Variants in HSF4 observed in about 807,000 individuals in gnomAD.
HSF4 encodes the protein heat shock factor protein 4.
Under a neutral mutation model 52.0 loss-of-function variants are expected in HSF4, and 41 were observed. The observed-to-expected ratio is 0.79, with a 90% confidence interval of 0.61 to 1.02. The LOEUF (loss-of-function observed/expected upper bound fraction) is 1.02. Ranked by LOEUF, HSF4 falls within the 50% of genes least tolerant of loss-of-function variation. HSF4 has a pLI of 0.00. For missense variants in HSF4, 610 were observed against 651.1 expected (o/e 0.94, Z 0.69); for synonymous variants, 285 against 273.0 (o/e 1.04, Z -0.43).
chr16:67,164,633 G>A (rs2031103469), upstream of HSF4: 9 of 449,834 alleles, frequency 2.0e-5, no homozygotes, highest in Non-Finnish European at 3.4e-5. Context: ...AGCCTTTTCT[G>A]CCTGCTGGTG....
At chr16:67,166,200 C>A in intron 4 of HSF4, 120 bp from the exon 5 acceptor site, 5 of 1,366,710 alleles carry the variant, frequency 3.7e-6, no homozygotes, top group Non-Finnish European at 5.1e-6. Context: ...GACTTATGGG[C>A]GATCTCTGGG....
In HSF4 at chr16:67,169,865, G is replaced by T; in HGVS notation, c.*80G>T. ...GGCTTCCTGGCGCCCCCTATCGGGG[G>T]TGAGCGAAGCCCCCACTACTAAATG... On this transcript the variant is annotated 3_prime_UTR_variant, in exon 13 of 13. Transcript: ENST00000521374. The surrounding 1 kb of genome is among the most constrained non-coding windows in gnomAD (Gnocchi z 4.3). The T allele has an allele frequency of 6.7e-7, 1 of 1,502,416 alleles. No homozygotes were observed. The highest frequency in any genetic ancestry group is 9.2e-7 in the Non-Finnish European group (1 of 1,082,002). The allele number at this position is 1,502,416 out of a possible 1,614,324, so 93.1% of individuals were successfully genotyped here. A position where few individuals can be genotyped will look rare whatever the true frequency, so the allele number is the denominator to read the frequency against.
rs980311007 is a variant in HSF4 at position 67,169,498 on chromosome 16, T to C, written c.1325-133T>C. 10 of 1,582,714 alleles carry C rather than the reference T, an allele frequency of 6.3e-6. No homozygotes were observed. Among genetic ancestry groups the C allele is most frequent in the South Asian group, 4.5e-5 (4 of 88,796 alleles). On this transcript the variant is annotated intron_variant, in intron 12 of 12. Coordinates refer to ENST00000521374, the MANE Select transcript of HSF4 (RefSeq NM_001374675.1). The surrounding 1 kb of genome is among the most constrained non-coding windows in gnomAD (Gnocchi z 4.3). ...CCTTGAGCCACCCATGCCCTCACCATTGGGCGAGAGTGGGGAGGTTAAGAA... is the reference window on the plus strand; with the variant it reads ...CCTTGAGCCACCCATGCCCTCACCACTGGGCGAGAGTGGGGAGGTTAAGAA...
chr16:67,169,861 G>A lies in HSF4; in HGVS notation c.*76G>A, dbSNP rs2031626986. ...TCTTGGCTTCCTGGCGCCCCCTATCGGGGGTGAGCGAAGCCCCCACTACTA... is the reference window on the plus strand; with the variant it reads ...TCTTGGCTTCCTGGCGCCCCCTATCAGGGGTGAGCGAAGCCCCCACTACTA... On this transcript the variant is annotated 3_prime_UTR_variant, in exon 13 of 13. Transcript: ENST00000521374. This position sits in a 1 kb window ranked among gnomAD's most constrained non-coding sequence, Gnocchi z 4.3. 4.5e-6 allele frequency: 7 copies of A among 1,543,946 alleles called. No individual in the cohort carries two copies. The highest frequency in any genetic ancestry group is 5.4e-6 in the Non-Finnish European group (6 of 1,119,404).
Position 67,167,521 on chromosome 16 carries a change from G to A in HSF4, c.776G>A (p.Gly259Asp). 3.7e-6 allele frequency: 6 copies of A among 1,613,790 alleles called. No homozygotes were observed. The highest frequency in any genetic ancestry group is 1.1e-5 in the South Asian group (1 of 91,088). ...NLGLSPHRARGPIISDIPEDS... is the reference protein window; with the variant it reads ...NLGLSPHRARDPIISDIPEDS... Reference sequence around the variant, plus strand: ...GGCCTTAGCCCTCACAGGGCCAGGGGCCCCATCATCTCTGACATCCCAGAA... The same window carrying A: ...GGCCTTAGCCCTCACAGGGCCAGGGACCCCATCATCTCTGACATCCCAGAA... Residue 259 changes from glycine (G) to aspartate (D), a missense_variant, in exon 8 of 13, where the codon GGC becomes GAC. By Grantham distance (94) the Gly-to-Asp change is moderately conservative. Coordinates refer to ENST00000521374, the MANE Select transcript of HSF4 (RefSeq NM_001374675.1).
chr16:67,166,682 G>A (rs2031327280), intron 6 of HSF4, 60 bp downstream of exon 6: 1 of 1,476,058 alleles, frequency 6.8e-7, no homozygotes, highest in Admixed American at 1.7e-5. Flanking sequence ...AAGTCCCCTT[G>A]CAAGGACCCC....
chr16:67,165,628 T>C lies in HSF4; in HGVS notation c.230T>C (p.Met77Thr). ...GCGAGCTTCGTGCGCCAACTCAACA[T>C]GTGTGAGTCCCTACGGCCGGGCGGG... is the stretch of plus-strand genomic sequence containing the variant. ...NMASFVRQLN[M>T]YGFRKVVSIE... is the part of the protein sequence containing the mutation. Residue 77 changes from methionine (M) to threonine (T), a missense_variant and splice_region_variant, in exon 2 of 13, where the codon ATG (methionine) becomes ACG (threonine). Physicochemically the swap from Met to Thr is moderately conservative, Grantham distance 81 (BLOSUM62 -1). Coordinates refer to ENST00000521374, the MANE Select transcript of HSF4 (RefSeq NM_001374675.1). This position sits in a 1 kb window ranked among gnomAD's most constrained non-coding sequence, Gnocchi z 6.9. The C allele has an allele frequency of 6.2e-7, 1 of 1,612,340 alleles. No homozygotes were observed. Among genetic ancestry groups the C allele is most frequent in the Non-Finnish European group, 8.5e-7 (1 of 1,179,498 alleles).
Position 67,165,960 on chromosome 16 carries a change from C to T in HSF4, c.375C>T (p.Arg125=). The T allele has an allele frequency of 1.3e-6, 2 of 1,565,128 alleles. No individual in the cohort carries two copies. The highest frequency in any genetic ancestry group is 1.7e-6 in the Non-Finnish European group (2 of 1,164,300). ...CCCGCCTGCAGGTGCCCGCGCTGCGCGGCGACGACGGCCGCTGGCGCCCGG... is the reference window on the plus strand; with the variant it reads ...CCCGCCTGCAGGTGCCCGCGCTGCGTGGCGACGACGGCCGCTGGCGCCCGG... ...ERVRRKVPAL[R]GDDGRWRPED... The change falls in exon 4 of 13, where the codon CGC becomes CGT. Residue 125 remains arginine, a synonymous_variant. Coordinates refer to ENST00000521374, the MANE Select transcript of HSF4 (RefSeq NM_001374675.1). This position sits in a 1 kb window ranked among gnomAD's most constrained non-coding sequence, Gnocchi z 6.9.
In HSF4 at chr16:67,167,486, G is replaced by A. The variant is rs373435397; in HGVS notation, c.741G>A (p.Glu247=). 5.0e-6 allele frequency: 8 copies of A among 1,613,706 alleles called. No homozygotes were observed. The African/African-American group carries it at 5.3e-5, about 11-fold the overall frequency. The change falls in exon 8 of 13, where the codon GAG becomes GAA. Residue 247 remains glutamate (E), a synonymous_variant. Transcript: ENST00000521374. The part of the protein sequence containing the change: ...DPYFIQSPLP[E]TNLGLSPHRA... ...CCTTCTACTTACAGCCTCTCCCAGA[G>A]ACAAATTTGGGCCTTAGCCCTCACA... is the stretch of plus-strand genomic sequence containing the variant.
Position 67,169,413 on chromosome 16 carries a change from T to G in HSF4, c.1324+65T>G. 6.3e-7 allele frequency: 1 copy of G among 1,582,250 alleles called. No individual in the cohort carries two copies. The highest frequency in any genetic ancestry group is 8.6e-7 in the Non-Finnish European group (1 of 1,163,882). On this transcript the variant is annotated intron_variant, in intron 12 of 12. Coordinates refer to ENST00000521374, the MANE Select transcript of HSF4 (RefSeq NM_001374675.1). The surrounding 1 kb of genome is among the most constrained non-coding windows in gnomAD (Gnocchi z 4.3). ...ATTGGGCTGAGCTACCTTGATTGAG[T>G]GAGGGGGCAATCTGCAATTTGCAGG...
chr16:67,169,852 C>T lies in HSF4; in HGVS notation c.*67C>T, dbSNP rs1016926548. On this transcript the variant is annotated 3_prime_UTR_variant, in exon 13 of 13. Transcript: ENST00000521374. The surrounding 1 kb of genome is among the most constrained non-coding windows in gnomAD (Gnocchi z 4.3). Reference sequence around the variant, plus strand: ...GCACATCCTTCTTGGCTTCCTGGCGCCCCCTATCGGGGGTGAGCGAAGCCC... The same window carrying T: ...GCACATCCTTCTTGGCTTCCTGGCGTCCCCTATCGGGGGTGAGCGAAGCCC... 2.5e-5 allele frequency: 39 copies of T among 1,589,358 alleles called. No homozygotes were observed. In the South Asian group the frequency reaches 3.9e-4, roughly 16 times the overall value.
chr16:67,166,504 G>A (rs376624407), intron 5 of HSF4, 54 bp from the exon 6 acceptor site: 12 of 1,604,436 alleles, frequency 7.5e-6, no homozygotes, highest in South Asian at 1.1e-5. Context: ...CTGGAAGTGC[G>A]GGGGTGGGGG....
At position 67,168,907 on chromosome 16, in the gene HSF4, G is replaced by GA. The variant is rs2145927381; in HGVS notation, c.1162dup (p.Ser388LysfsTer41). On this transcript the variant is annotated frameshift_variant, in exon 10 of 13. Coordinates refer to ENST00000521374, the MANE Select transcript of HSF4 (RefSeq NM_001374675.1). LOFTEE classifies it high-confidence loss of function. ...TCCGATGCTGCTTCAGCCCCCTCAA[G>GA]AAAGTGTGGAACCTGCAGGGCCTCT... is the stretch of plus-strand genomic sequence containing the variant. The GA allele has an allele frequency of 5.0e-6, 8 of 1,614,130 alleles. No homozygotes were observed. The highest frequency in any genetic ancestry group is 6.8e-6 in the Non-Finnish European group (8 of 1,180,028).
At chr16:67,163,965 A>C, upstream of HSF4, 1 of 1,276,416 alleles carries the variant, frequency 7.8e-7, no homozygotes, top group Non-Finnish European at 1.1e-6. Context: ...CTGTGATGGC[A>C]TCGGGACCAG....
chr16:67,165,805 G>T lies in HSF4; in HGVS notation c.319G>T (p.Val107Leu), dbSNP rs760317750. The change falls in exon 3 of 13, where the codon GTG becomes TTG. Residue 107 changes from valine (V) to leucine (L), a missense_variant. By Grantham distance (32) the Val-to-Leu change is conservative. Coordinates refer to ENST00000521374, the MANE Select transcript of HSF4 (RefSeq NM_001374675.1). This position sits in a 1 kb window ranked among gnomAD's most constrained non-coding sequence, Gnocchi z 6.9. The part of the protein sequence containing the change: ...DHVEFQHPSF[V>L]RGREQLLERV... ...CGTCGAGTTCCAGCACCCGAGCTTC[G>T]TGCGCGGCCGCGAGCAGCTACTGGA... is the stretch of plus-strand genomic sequence containing the variant. The T allele has an allele frequency of 3.1e-6, 5 of 1,608,188 alleles. No homozygotes were observed. The highest frequency in any genetic ancestry group is 1.3e-5 in the African/African-American group (1 of 74,912).
At position 67,167,185 on chromosome 16, in the gene HSF4, C is replaced by G; in HGVS notation, c.692C>G (p.Pro231Arg). 6.2e-7 allele frequency: 1 copy of G among 1,614,208 alleles called. No individual in the cohort carries two copies. Among genetic ancestry groups the G allele is most frequent in the African/African-American group, 1.3e-5 (1 of 75,070 alleles). Residue 231 changes from proline (P) to arginine (R), a missense_variant, in exon 7 of 13, where the codon CCT (proline) becomes CGT (arginine). Transcript: ENST00000521374. ...GCCAAGTTCAACACCTGCCCTCTAC[C>G]TGGTGCCCTTCTGCAGGACCCCTAC... is the stretch of plus-strand genomic sequence containing the variant. The part of the protein sequence containing the change: ...TPAKFNTCPL[P>R]GALLQDPYFI...
chr16:67,165,511 G>T lies in HSF4; in HGVS notation c.124-11G>T. 1 of 1,612,640 alleles carries T rather than the reference G, an allele frequency of 6.2e-7. No homozygotes were observed. Among genetic ancestry groups the T allele is most frequent in the Non-Finnish European group, 8.5e-7 (1 of 1,179,600 alleles). On this transcript the variant is annotated splice_polypyrimidine_tract_variant and intron_variant, in intron 1 of 12. Transcript: ENST00000521374. This position sits in a 1 kb window ranked among gnomAD's most constrained non-coding sequence, Gnocchi z 6.9. ...TCCGCCCGCACGGTGGGCGGGCGGCGTTCTTGGTAGAGCGGGACCAGTTTC... is the reference window on the plus strand; with the variant it reads ...TCCGCCCGCACGGTGGGCGGGCGGCTTTCTTGGTAGAGCGGGACCAGTTTC...
rs769071475 is a variant in HSF4, at chr16:67,167,157, C to A, written c.664C>A (p.Pro222Thr). 6.2e-7 allele frequency: 1 copy of A among 1,614,186 alleles called. No individual in the cohort carries two copies. Among genetic ancestry groups the A allele is most frequent in the South Asian group, 1.1e-5 (1 of 91,084 alleles). Reference protein sequence around the residue: ...MLDEGSSCPTPAKFNTCPLPG... With the variant: ...MLDEGSSCPTTAKFNTCPLPG... ...GGATGAGGGGAGCTCATGCCCAACACCTGCCAAGTTCAACACCTGCCCTCT... is the reference window on the plus strand; with the variant it reads ...GGATGAGGGGAGCTCATGCCCAACAACTGCCAAGTTCAACACCTGCCCTCT... Residue 222 changes from proline to threonine, a missense_variant, in exon 7 of 13, where the codon CCT (proline) becomes ACT (threonine). Transcript: ENST00000521374.
intron 9 of HSF4, 80 bp downstream of exon 9, chr16:67,168,027 C>G: frequency 2.7e-6 from 3 of 1,116,866 alleles, no homozygotes; most frequent in Non-Finnish European, 3.9e-6. Flanking sequence ...AGCCATTTGA[C>G]TCCATGATAC....
Sources: allele counts gnomAD v4.1 joint callset, GRCh38; gene constraint gnomAD v4.1.1; non-coding constraint Gnocchi (gnomAD v3.1); transcripts MANE v1.5; gene names NCBI Gene and HGNC (gene_info 2026-07-23, HGNC 2026-07-21).